Variants in DST observed in about 807,000 individuals in gnomAD.
DST encodes the protein bullous pemphigoid antigen.
Under a neutral mutation model 875.2 loss-of-function variants are expected in DST, and 253 were observed. The ratio of observed to expected loss-of-function variants is 0.29; its 90% CI spans 0.26 to 0.32. The LOEUF (loss-of-function observed/expected upper bound fraction) is 0.32. DST is among the 10% of genes least tolerant of loss of function. The pLI, the probability that DST is intolerant of heterozygous loss-of-function variation, is 1.00. For missense variants in DST, 8,287 were observed against 9,111.6 expected, an observed-to-expected ratio of 0.91 and a Z score of 3.68; for synonymous variants, 3,124 against 3,197.1, an observed-to-expected ratio of 0.98 and a Z score of 0.77.
chr6:56,850,318 T>C (rs1165955350), intron 4 of DST, among the ~76,000 whole-genome samples: 3 of 150,994 alleles, frequency 2.0e-5, no homozygotes, highest in African/African-American at 2.4e-5. Context: ...AAGGGGGTTC[T>C]CAGCTGCCTT....
intron 61 of DST, among the ~76,000 whole-genome samples, chr6:56,546,204 T>C (rs1189881186): frequency 6.6e-6 from 1 of 151,428 alleles, no homozygotes; most frequent in African/African-American, 2.4e-5. Context: ...GCACTTGCTC[T>C]TCTTCCTGTA....
In DST at chr6:56,944,500, T is replaced by C. The variant is rs529916847; in HGVS notation, c.216+9285A>G. ...TATTTTTGTTTTTGTTGGAGGTGTA[T>C]GAGAAAAGAGAGGAAAGAAATAGAA... On this transcript the variant is annotated intron_variant, in intron 2 of 103. Transcript: ENST00000680361. Among the ~76,000 whole-genome samples, 14 of 152,120 alleles carry C rather than the reference T, an allele frequency of 9.2e-5. No homozygotes were observed. In the East Asian group the frequency reaches 2.5e-3, roughly 27 times the overall value.
intron 4 of DST, among the ~76,000 whole-genome samples, chr6:56,745,451 A>G (rs766268141): frequency 6.6e-6 from 1 of 152,242 alleles, no homozygotes; most frequent in Non-Finnish European, 1.5e-5. Context: ...TTGGATTTAT[A>G]CTACCTGGTA....
At chr6:56,486,451 A>G (rs2095571963) in intron 87 of DST, among the ~76,000 whole-genome samples, 3 of 150,434 alleles carry the variant, frequency 2.0e-5, no homozygotes, top group Admixed American at 2.0e-4. Context: ...AATATAATCT[A>G]TTTAATCTTG....
At chr6:56,623,549 G>A (rs986061046) in intron 36 of DST, among the ~76,000 whole-genome samples, 2 of 152,140 alleles carry the variant, frequency 1.3e-5, no homozygotes, top group African/African-American at 4.8e-5. Flanking sequence ...GACTAAAACA[G>A]TTTATAAAAG....
chr6:56,611,556 G>A lies in DST; in HGVS notation c.5099C>T (p.Ser1700Leu), dbSNP rs763411218. 1.7e-5 allele frequency: 28 copies of A among 1,612,772 alleles called. No individual in the cohort carries two copies. Among genetic ancestry groups the A allele is most frequent in the Admixed American group, 1.5e-4 (9 of 59,920 alleles). The change falls in exon 38 of 104, where the codon TCG becomes TTG. Residue 1700 changes from serine (S) to leucine (L), a missense_variant. By Grantham distance (145) the Ser-to-Leu change is moderately radical. This residue lies in a region of DST where 3,138 missense variants were observed against 3,116.6 expected (regional missense o/e 1.01). Coordinates refer to ENST00000680361, the MANE Select transcript of DST (RefSeq NM_001374736.1). The stretch of plus-strand genomic sequence containing the variant: ...AAGCTGTATAGTTTGAAGTGCTTCC[G>A]ATAATTGTTCCTTCTTGGTTGATAT... ...EEISTKKEQL[S>L]EALQTIQLFL...
Position 56,555,854 on chromosome 6 carries a change from G to A in DST, c.14641-14C>T. 2.0e-6 allele frequency: 3 copies of A among 1,468,634 alleles called. No individual in the cohort carries two copies. The highest frequency in any genetic ancestry group is 1.6e-5 in the South Asian group (1 of 61,830). The allele number at this position is 1,468,634 out of a possible 1,614,324, so 91.0% of individuals were successfully genotyped here. ...TTGCAGCAAAATCTAAGGTAACAAG[G>A]GTAAACAAACGCAAATTATTATATA... On this transcript the variant is annotated splice_polypyrimidine_tract_variant and intron_variant, in intron 59 of 103. Transcript: ENST00000680361.
chr6:56,800,705 T>A (rs575268921), intron 4 of DST, among the ~76,000 whole-genome samples: 23 of 151,770 alleles, frequency 1.5e-4, no homozygotes, highest in African/African-American at 5.6e-4. Context: ...TGATAAAAAA[T>A]AAAAACAAAA....
intron 82 of DST, among the ~76,000 whole-genome samples, chr6:56,496,737 C>T (rs2095920791): frequency 6.6e-6 from 1 of 152,076 alleles, no homozygotes; most frequent in Non-Finnish European, 1.5e-5. Context: ...TGGCACTGTT[C>T]ACAATAGCAA....
At chr6:56,461,733 T>A (rs1229657462) in intron 102 of DST, 1 of 152,238 alleles carries the variant, frequency 6.6e-6, no homozygotes, top group Non-Finnish European at 1.5e-5. Flanking sequence ...CTTCAATATT[T>A]AAAGCAAATG....
intron 5 of DST, among the ~76,000 whole-genome samples, chr6:56,715,536 G>T (rs1181095133): frequency 6.6e-6 from 1 of 152,094 alleles, no homozygotes; most frequent in Non-Finnish European, 1.5e-5. Flanking sequence ...AAAGAGGGAG[G>T]ATCTCTAGAA....
intron 4 of DST, among the ~76,000 whole-genome samples, chr6:56,797,941 G>A (rs572648725): frequency 6.6e-6 from 1 of 151,848 alleles, no homozygotes; most frequent in Non-Finnish European, 1.5e-5. Flanking sequence ...GCCTAATCCA[G>A]AGCAAGGTCG....
intron 5 of DST, among the ~76,000 whole-genome samples, chr6:56,707,161 C>T (rs1382742886): frequency 2.6e-5 from 4 of 152,336 alleles, no homozygotes; most frequent in Non-Finnish European, 4.4e-5. Context: ...TGGACCGGAC[C>T]AGTACCTGTC....
At position 56,473,927 on chromosome 6, in the gene DST, C is replaced by T. The variant is rs774683206; in HGVS notation, c.21940G>A (p.Asp7314Asn). 1.3e-6 allele frequency: 2 copies of T among 1,593,336 alleles called. No individual in the cohort carries two copies. The highest frequency in any genetic ancestry group is 3.5e-5 in the Admixed American group (2 of 57,522). ...ATATGGGATTGTAATGAGGAAGGAT[C>T]AGCAGCTCTCCTCTTATAGGTCTTC... ...VTKTYKRRAA[D>N]PSSLQSHIPV... Residue 7314 changes from aspartate (D) to asparagine (N), a missense_variant, in exon 93 of 104, where the codon GAT becomes AAT. This residue lies in a region of DST where 1,292 missense variants were observed against 1,552.7 expected (regional missense o/e 0.83). Coordinates refer to ENST00000680361, the MANE Select transcript of DST (RefSeq NM_001374736.1).
chr6:56,722,690 G>A (rs990429300), intron 5 of DST, among the ~76,000 whole-genome samples: 1 of 152,084 alleles, frequency 6.6e-6, no homozygotes, highest in East Asian at 1.9e-4. Flanking sequence ...CCTAAAAGTA[G>A]TACATGTTCT....
intron 10 of DST, among the ~76,000 whole-genome samples, chr6:56,652,508 G>A (rs1363938908): frequency 6.6e-6 from 1 of 152,118 alleles, no homozygotes; most frequent in Non-Finnish European, 1.5e-5. Context: ...AGAAAGAGTG[G>A]GAGGGCTCAA....
chr6:56,501,759 A>G (rs1006535886), intron 78 of DST, 66 bp from the exon 79 acceptor site: 1 of 1,202,748 alleles, frequency 8.3e-7, no homozygotes, highest in Non-Finnish European at 1.2e-6. Flanking sequence ...AAAGAAATCT[A>G]TTGGTTATAT....
At chr6:56,795,362 T>A (rs781487982) in intron 4 of DST, among the ~76,000 whole-genome samples, 2 of 151,978 alleles carry the variant, frequency 1.3e-5, no homozygotes, top group African/African-American at 4.8e-5. Flanking sequence ...GCAGAGGAAC[T>A]ACAAATAACA....
At chr6:56,626,864 G>C (rs1005094322) in intron 34 of DST, among the ~76,000 whole-genome samples, 1 of 152,044 alleles carries the variant, frequency 6.6e-6, no homozygotes, top group Non-Finnish European at 1.5e-5. Context: ...TGAAAAGCAT[G>C]AAAAGTGTCC....
Sources: gnomAD v4.1 joint callset for allele counts (sites outside exome capture counted in the v4.1 genomes callset) on GRCh38, gnomAD v4.1.1 for gene constraint, gnomAD v4.1.1 regional missense constraint, MANE v1.5 for transcripts, NCBI Gene and HGNC (gene_info 2026-07-23, HGNC 2026-07-21) for gene names.